Variants in ITGAV observed in about 807,000 individuals in gnomAD.
ITGAV encodes integrin subunit alpha V.
ITGAV carries 76 observed loss-of-function variants against 143.8 expected under a neutral mutation model. The observed-to-expected ratio is 0.53, with a 90% CI of 0.44 to 0.64. The LOEUF is 0.64. Among genes scored for constraint, ITGAV ranks in the 30% least tolerant of loss-of-function variants. The probability of loss-of-function intolerance (pLI) is 0.00; values close to 1 mark genes in which losing one functional copy is unlikely to be tolerated. For missense variants in ITGAV, 1,193 were observed against 1,274.7 expected (o/e 0.94, Z 0.98); for synonymous variants, 453 against 446.7 (o/e 1.01, Z -0.18).
At chr2:186,632,248 G>T (rs1395341469) in intron 5 of ITGAV, among the ~76,000 whole-genome samples, 1 of 151,742 alleles carries the variant, frequency 6.6e-6, no homozygotes, top group Non-Finnish European at 1.5e-5. Context: ...TTCCAAATAG[G>T]TATTATATAT....
chr2:186,641,600 G>C lies in ITGAV; in HGVS notation c.1159+12G>C. ...GGATGGTTTCAATGGTAAGATCAAA[G>C]TTTAGCAGCTACAGGTCCCTGATTA... is the stretch of plus-strand genomic sequence containing the variant. On this transcript the variant is annotated intron_variant, in intron 12 of 29. Transcript: ENST00000261023. 1 of 1,610,416 alleles carries C rather than the reference G, an allele frequency of 6.2e-7. No homozygotes were observed. The highest frequency in any genetic ancestry group is 8.5e-7 in the Non-Finnish European group (1 of 1,176,970).
At chr2:186,605,457 CT>C (rs1687032324) in intron 2 of ITGAV, among the ~76,000 whole-genome samples, 1 of 152,148 alleles carries the variant, frequency 6.6e-6, no homozygotes, top group African/African-American at 2.4e-5. Context: ...TTCCAACTCC[CT>C]CTTCTCACCT....
At chr2:186,637,953 C>A (rs938379652) in intron 8 of ITGAV, among the ~76,000 whole-genome samples, 8 of 152,148 alleles carry the variant, frequency 5.3e-5, no homozygotes, top group African/African-American at 1.7e-4. Flanking sequence ...TATTATTTTT[C>A]ATTACTGTAC....
chr2:186,677,990 C>T lies in ITGAV; in HGVS notation c.*698C>T, dbSNP rs200977595. 2.0e-5 allele frequency: 3 copies of T among 152,146 alleles called. No individual in the cohort carries two copies. Among genetic ancestry groups the T allele is most frequent in the Non-Finnish European group, 4.4e-5 (3 of 67,964 alleles). 9.4% of individuals were successfully genotyped at this position (152,146 alleles called of 1,614,324 possible). On this transcript the variant is annotated 3_prime_UTR_variant, in exon 30 of 30. Coordinates refer to ENST00000261023, the MANE Select transcript of ITGAV (RefSeq NM_002210.5). ...TGTATAAATTTTAGGTCAAATCCTT[C>T]AAGCCAACCTATACTAAAAATTAGT...
At chr2:186,643,365 G>T (rs1688161310) in intron 12 of ITGAV, among the ~76,000 whole-genome samples, 1 of 152,098 alleles carries the variant, frequency 6.6e-6, no homozygotes, top group Non-Finnish European at 1.5e-5. Context: ...GTCTCCCAAG[G>T]TTTCTCCTTG....
At position 186,593,690 on chromosome 2, in the gene ITGAV, G is replaced by A. The variant is rs922000205; in HGVS notation, c.185+3167G>A. 3.9e-5 allele frequency among the ~76,000 whole-genome samples: 6 copies of A among 151,932 alleles called. 1 individual carries two copies. In the Middle Eastern group the frequency reaches 0.017, roughly 431 times the overall value. On this transcript the variant is annotated intron_variant, in intron 1 of 29. Transcript: ENST00000261023. Reference sequence around the variant, plus strand: ...ATTTCATTCTATAGCCCACACCACCGGGGGGAAGTAAGGGGAAGCAGATAT... The same window carrying A: ...ATTTCATTCTATAGCCCACACCACCAGGGGGAAGTAAGGGGAAGCAGATAT...
intron 2 of ITGAV, among the ~76,000 whole-genome samples, chr2:186,613,920 T>C (rs1402681032): frequency 6.6e-6 from 1 of 151,938 alleles, no homozygotes; most frequent in Non-Finnish European, 1.5e-5. Context: ...AGAATAGAGG[T>C]TCCTAGGAAG....
intron 3 of ITGAV, 112 bp downstream of exon 3, chr2:186,622,542 G>T (rs6741369): frequency 0.26 from 181,695 of 711,490 alleles, 23,716 homozygotes; most frequent in Middle Eastern, 0.33. Context: ...AAGGGCACAG[G>T]GTATAACAAC....
rs965136667 is a variant in ITGAV, at chr2:186,680,282, G to A, written c.*2990G>A. Reference sequence around the variant, plus strand: ...GAAAAATGATTGTAGGATCAAAAAAGGCAGATGAAATTACTTAATACTCAG... The same window carrying A: ...GAAAAATGATTGTAGGATCAAAAAAAGCAGATGAAATTACTTAATACTCAG... On this transcript the variant is annotated 3_prime_UTR_variant, in exon 30 of 30. Transcript: ENST00000261023. 19 of 152,300 alleles carry A rather than the reference G, an allele frequency of 1.2e-4. No individual in the cohort carries two copies. Among genetic ancestry groups the A allele is most frequent in the Admixed American group, 9.8e-4 (15 of 15,268 alleles). 9.4% of individuals were successfully genotyped at this position (152,300 alleles called of 1,614,324 possible).
intron 1 of ITGAV, among the ~76,000 whole-genome samples, chr2:186,592,636 G>C (rs1686645953): frequency 6.6e-6 from 1 of 151,518 alleles, no homozygotes; most frequent in African/African-American, 2.4e-5. Context: ...TGCTACTGCT[G>C]ATTACAAACC....
In ITGAV at chr2:186,675,601, C is replaced by T; in HGVS notation, c.2707-3C>T. 1 of 1,607,040 alleles carries T rather than the reference C, an allele frequency of 6.2e-7. No homozygotes were observed. Among genetic ancestry groups the T allele is most frequent in the South Asian group, 1.1e-5 (1 of 90,852 alleles). On this transcript the variant is annotated splice_polypyrimidine_tract_variant and splice_region_variant and intron_variant, in intron 26 of 29. Transcript: ENST00000261023. The stretch of plus-strand genomic sequence containing the variant: ...CTTATAAGTAAAGGATTTGTTTTGG[C>T]AGGGTTGTGGAGTTGCTCAGTGCTT...
chr2:186,621,552 A>G (rs1201989736), intron 2 of ITGAV, among the ~76,000 whole-genome samples: 2 of 152,206 alleles, frequency 1.3e-5, no homozygotes, highest in Non-Finnish European at 2.9e-5. Context: ...CTGGACATAA[A>G]ATTCAATCAA....
At chr2:186,636,990 G>T in intron 7 of ITGAV, 75 bp from the exon 8 acceptor site, 1 of 1,202,886 alleles carries the variant, frequency 8.3e-7, no homozygotes, top group Non-Finnish European at 1.2e-6. Flanking sequence ...ATATTTTCAA[G>T]GAATGCTTAC....
intron 13 of ITGAV, among the ~76,000 whole-genome samples, chr2:186,649,481 A>G (rs1688365084): frequency 6.6e-6 from 1 of 152,156 alleles, no homozygotes; most frequent in Admixed American, 6.5e-5. Context: ...ATATATAGAA[A>G]ATAGAAAGGA....
rs987168910 is a variant in ITGAV at position 186,602,085 on chromosome 2, G to T, written c.250G>T (p.Gly84Trp). The T allele has an allele frequency of 3.1e-6, 5 of 1,613,310 alleles. No individual in the cohort carries two copies. Among genetic ancestry groups the T allele is most frequent in the African/African-American group, 1.3e-5 (1 of 74,898 alleles). Residue 84 changes from glycine (G) to tryptophan (W), a missense_variant, in exon 2 of 30, where the codon GGG becomes TGG. Coordinates refer to ENST00000261023, the MANE Select transcript of ITGAV (RefSeq NM_002210.5). ...CACCCAGCCTGGGATTGTGGAAGGA[G>T]GGCAGGTCCTCAAATGTGACTGGTC... ...NTTQPGIVEG[G>W]QVLKCDWSST...
intron 1 of ITGAV, 124 bp from the exon 2 acceptor site, chr2:186,601,897 A>C (rs1686917797): frequency 1.1e-6 from 1 of 915,448 alleles, no homozygotes. Flanking sequence ...CCCTCAGTGA[A>C]TAGCAAATGG....
At chr2:186,661,844 C>A (rs996927023) in intron 18 of ITGAV, among the ~76,000 whole-genome samples, 1 of 152,100 alleles carries the variant, frequency 6.6e-6, no homozygotes, top group East Asian at 1.9e-4. Context: ...ATCCACCCAC[C>A]TTGGCCTCCC....
At position 186,638,672 on chromosome 2, in the gene ITGAV, A is replaced by G. The variant is rs41270221; in HGVS notation, c.903+207A>G. The stretch of plus-strand genomic sequence containing the variant: ...TGTGTGTGTGTGTGTGTGTGTGTGT[A>G]GTATATAAACAAAAATTGGTTTACT... On this transcript the variant is annotated intron_variant, in intron 10 of 29. Transcript: ENST00000261023. 0.15 allele frequency among the ~76,000 whole-genome samples: 16,366 copies of G among 108,648 alleles called. 1,013 individuals are homozygous for G. The highest frequency in any genetic ancestry group is 0.21 in the African/African-American group (6,399 of 30,804). The allele number at this position is 108,648 out of a possible 152,430, so 71.3% of individuals were successfully genotyped here. A position where few individuals can be genotyped will look rare whatever the true frequency, so the allele number is the denominator to read the frequency against.
At chr2:186,625,146 C>A (rs771250150) in intron 3 of ITGAV, among the ~76,000 whole-genome samples, 24 of 152,106 alleles carry the variant, frequency 1.6e-4, no homozygotes, top group Non-Finnish European at 2.6e-4. Flanking sequence ...GAGGCTGAGG[C>A]AGGAGGATTG....
Sources: allele counts gnomAD v4.1 joint callset (sites outside exome capture counted in the v4.1 genomes callset), GRCh38; gene constraint gnomAD v4.1.1; transcripts MANE v1.5; gene names NCBI Gene and HGNC (gene_info 2026-07-23, HGNC 2026-07-21).